IMMP1L: variants seen among roughly 807,000 people sequenced by gnomAD.
The protein encoded by IMMP1L is inner mitochondrial membrane peptidase subunit 1, also known as mitochondrial inner membrane protease subunit 1.
Under a neutral mutation model 21.8 loss-of-function variants are expected in IMMP1L, and 24 were observed. The ratio of observed to expected loss-of-function variants is 1.10; its 90% CI spans 0.80 to 1.55. The LOEUF (loss-of-function observed/expected upper bound fraction) is 1.55, where lower values mean the gene tolerates loss of function less well. Ranked by LOEUF, IMMP1L falls within the 40% of genes most tolerant of loss-of-function variation. The pLI, the probability that IMMP1L is intolerant of heterozygous loss-of-function variation, is 0.00. For missense variants in IMMP1L, 195 were observed against 200.7 expected (o/e 0.97, Z 0.17); for synonymous variants, 46 against 62.8 (o/e 0.73, Z 1.26).
intron 4 of IMMP1L, among the ~76,000 whole-genome samples, chr11:31,442,150 T>A (rs1177169315): frequency 2.0e-5 from 3 of 152,196 alleles, no homozygotes; most frequent in African/African-American, 4.8e-5. Context: ...TTTTCCTTTC[T>A]ACGACAGAGG....
chr11:31,437,170 G>A, intron 4 of IMMP1L: 1 of 448,500 alleles, frequency 2.2e-6, no homozygotes, highest in South Asian at 1.6e-5. Context: ...GACCAGAAGT[G>A]TTTCAGGTTT....
intron 1 of IMMP1L, among the ~76,000 whole-genome samples, chr11:31,487,731 A>T (rs1310997335): frequency 6.6e-6 from 1 of 152,130 alleles, no homozygotes; most frequent in Non-Finnish European, 1.5e-5. Context: ...TTACAAAAAA[A>T]CCCTACACAA....
At chr11:31,436,023 CTG>C (rs1953105639) in intron 4 of IMMP1L, among the ~76,000 whole-genome samples, 1 of 152,032 alleles carries the variant, frequency 6.6e-6, no homozygotes, top group Non-Finnish European at 1.5e-5. Context: ...AAATATTATT[CTG>C]TGTGTTTTCT....
At chr11:31,481,677 A>G (rs1435964297) in intron 1 of IMMP1L, among the ~76,000 whole-genome samples, 2 of 151,968 alleles carry the variant, frequency 1.3e-5, no homozygotes, top group African/African-American at 4.8e-5. Flanking sequence ...TGAACAATAA[A>G]AAGAATAACT....
intron 4 of IMMP1L, among the ~76,000 whole-genome samples, chr11:31,455,451 CA>C (rs1197722373): frequency 6.6e-6 from 1 of 152,190 alleles, no homozygotes; most frequent in African/African-American, 2.4e-5. Flanking sequence ...GGAGCTAACA[CA>C]TTCTATCTAC....
chr11:31,487,168 T>C (rs1174635294), intron 1 of IMMP1L, among the ~76,000 whole-genome samples: 1 of 151,978 alleles, frequency 6.6e-6, no homozygotes, highest in African/African-American at 2.4e-5. Flanking sequence ...TATCAACAAT[T>C]TCCTTGATCT....
Position 31,433,507 on chromosome 11 carries a change from A to G in IMMP1L, c.385T>C (p.Tyr129His), listed in dbSNP as rs1384072669. 1.9e-6 allele frequency: 3 copies of G among 1,611,692 alleles called. No homozygotes were observed. The highest frequency in any genetic ancestry group is 2.2e-5 in the East Asian group (1 of 44,782). The change falls in exon 5 of 6, where the codon TAT (tyrosine) becomes CAT (histidine). Residue 129 changes from tyrosine to histidine, a missense_variant. Coordinates refer to ENST00000532287, the MANE Select transcript of IMMP1L (RefSeq NM_001304274.2). ...NLQNSTDSRC[Y>H]GPIPYGLIRG... is the part of the protein sequence containing the mutation. ...ATTAGTCCATATGGAATAGGTCCATAGCACCTGGAATCTGTAGAATTCTGT... is the reference window on the plus strand; with the variant it reads ...ATTAGTCCATATGGAATAGGTCCATGGCACCTGGAATCTGTAGAATTCTGT...
intron 4 of IMMP1L, chr11:31,453,017 G>A: frequency 8.2e-7 from 1 of 1,223,550 alleles, no homozygotes; most frequent in Non-Finnish European, 1.1e-6. Context: ...CTCTCAAAGT[G>A]CTGGGATTAC....
intron 4 of IMMP1L, among the ~76,000 whole-genome samples, chr11:31,451,291 T>C (rs1953747654): frequency 1.3e-5 from 2 of 151,898 alleles, no homozygotes; most frequent in South Asian, 4.2e-4. Context: ...TTAGCTGCGG[T>C]GTGGAGAGTA....
At chr11:31,498,602 C>T (rs535440860) in intron 1 of IMMP1L, among the ~76,000 whole-genome samples, 3 of 152,112 alleles carry the variant, frequency 2.0e-5, no homozygotes, top group Non-Finnish European at 4.4e-5. Context: ...ATGCTAATAT[C>T]CATAAACTGG....
intron 1 of IMMP1L, among the ~76,000 whole-genome samples, chr11:31,480,369 C>T (rs1289055403): frequency 6.6e-6 from 1 of 151,824 alleles, no homozygotes; most frequent in Non-Finnish European, 1.5e-5. Context: ...TTAAAAAATC[C>T]TTTAATAAAA....
intron 4 of IMMP1L, chr11:31,453,031 C>T (rs1591966050): frequency 3.1e-6 from 4 of 1,274,536 alleles, no homozygotes; most frequent in South Asian, 1.2e-5. Context: ...GGATTACAGG[C>T]GTGAGCCACC....
chr11:31,489,046 G>A (rs1300591913), intron 1 of IMMP1L, among the ~76,000 whole-genome samples: 1 of 151,810 alleles, frequency 6.6e-6, no homozygotes, highest in African/African-American at 2.4e-5. Context: ...ACAGGTACCC[G>A]CCACCATGCC....
chr11:31,433,250 T>C (rs1259978230), intron 5 of IMMP1L, among the ~76,000 whole-genome samples: 2 of 152,156 alleles, frequency 1.3e-5, no homozygotes, highest in Non-Finnish European at 2.9e-5. Context: ...ATAGCTAAGG[T>C]AGTTTGGATT....
At chr11:31,506,472 T>C (rs947795425) in intron 1 of IMMP1L, among the ~76,000 whole-genome samples, 4 of 151,892 alleles carry the variant, frequency 2.6e-5, no homozygotes, top group Admixed American at 1.3e-4. Flanking sequence ...CCTTGTGATC[T>C]GCACGCCTCG....
intron 1 of IMMP1L, among the ~76,000 whole-genome samples, chr11:31,478,179 G>A (rs1468498154): frequency 2.6e-5 from 4 of 152,138 alleles, no homozygotes; most frequent in Non-Finnish European, 4.4e-5. Flanking sequence ...ATATGCAGCC[G>A]CCTGGTTTTG....
At position 31,452,772 on chromosome 11, in the gene IMMP1L, C is replaced by T. The variant is rs570353502; in HGVS notation, c.321+3488G>A. ...TTTTTTTTCTTTTCTTTTCTTGAGACGGAGTTTCGCTCTTGTTGCCCAGGC... is the reference window on the plus strand; with the variant it reads ...TTTTTTTTCTTTTCTTTTCTTGAGATGGAGTTTCGCTCTTGTTGCCCAGGC... On this transcript the variant is annotated intron_variant, in intron 4 of 5. Coordinates refer to ENST00000532287, the MANE Select transcript of IMMP1L (RefSeq NM_001304274.2). The T allele has an allele frequency of 1.1e-3, 1,054 of 997,890 alleles. 1 individual carries two copies. Among genetic ancestry groups the T allele is most frequent in the Admixed American group, 2.4e-3 (41 of 17,006 alleles). The allele number at this position is 997,890 out of a possible 1,614,324, so 61.8% of individuals were successfully genotyped here.
intron 4 of IMMP1L, among the ~76,000 whole-genome samples, chr11:31,445,490 G>A (rs1953483474): frequency 6.6e-6 from 1 of 152,166 alleles, no homozygotes; most frequent in African/African-American, 2.4e-5. Context: ...CAGTAGAAAG[G>A]TTGCCATACT....
chr11:31,456,190 C>T, intron 4 of IMMP1L, 70 bp downstream of exon 4: 2 of 1,077,488 alleles, frequency 1.9e-6, no homozygotes, highest in South Asian at 1.9e-5. Context: ...ACATTATTTT[C>T]TTTTGTCAGC....
Sources: allele counts gnomAD v4.1 joint callset (sites outside exome capture counted in the v4.1 genomes callset), GRCh38; gene constraint gnomAD v4.1.1; transcripts MANE v1.5; gene names NCBI Gene and HGNC (gene_info 2026-07-23, HGNC 2026-07-21).